Variants in TSG101 observed in about 807,000 individuals in gnomAD.
TSG101 encodes the protein tumor susceptibility gene 101 protein.
A neutral mutation model predicts 48.5 loss-of-function variants in TSG101; 19 were observed. The ratio of observed to expected loss-of-function variants is 0.39; its 90% CI spans 0.27 to 0.58. The LOEUF is 0.58. TSG101 is among the 20% of genes least tolerant of loss of function. The pLI, the probability that TSG101 is intolerant of heterozygous loss-of-function variation, is 0.55. For synonymous variants in TSG101, 174 were observed against 169.4 expected (o/e 1.03, Z -0.21); for missense variants, 365 against 484.4 (o/e 0.75, Z 2.31).
At chr11:18,490,858 C>A (rs1031524608) in intron 7 of TSG101, 26 of 535,042 alleles carry the variant, frequency 4.9e-5, no homozygotes, top group Non-Finnish European at 3.0e-5. Flanking sequence ...AGTATTCATG[C>A]CTCGTTCTGT....
intron 1 of TSG101, chr11:18,525,599 G>T: frequency 4.0e-4 from 145 of 363,826 alleles, no homozygotes; most frequent in Middle Eastern, 1.3e-3. Context: ...TACATACTAT[G>T]TAAAACAATA....
chr11:18,492,883 A>C (rs1849719796), intron 7 of TSG101, among the ~76,000 whole-genome samples: 1 of 152,234 alleles, frequency 6.6e-6, no homozygotes, highest in Non-Finnish European at 1.5e-5. Context: ...TCGATGAACC[A>C]TGCCACTTTA....
At chr11:18,481,605 C>T (rs1849541764) in intron 9 of TSG101, 25 bp downstream of exon 9, 1 of 1,601,796 alleles carries the variant, frequency 6.2e-7, no homozygotes, top group African/African-American at 1.3e-5. Flanking sequence ...GTTAAAAAAT[C>T]TTGGAACGTA....
At chr11:18,521,359 CTTTTTTTTTTTTTT>C (rs917563952) in intron 1 of TSG101, among the ~76,000 whole-genome samples, 1 of 99,794 alleles carries the variant, frequency 1.0e-5, no homozygotes, top group African/African-American at 3.5e-5. Context: ...AAACTGATTC[CTTTTTTTTTTTTTT>C]TTTTTTTTTT....
intron 1 of TSG101, 78 bp from the exon 2 acceptor site, chr11:18,519,681 C>G: frequency 9.5e-7 from 1 of 1,052,056 alleles, no homozygotes; most frequent in East Asian, 2.4e-5. Flanking sequence ...TTCTTAAAAT[C>G]TCTTCCACTA....
chr11:18,514,876 T>G, intron 3 of TSG101, 35 bp from the exon 4 acceptor site: 3 of 1,502,844 alleles, frequency 2.0e-6, no homozygotes, highest in South Asian at 2.7e-5. Context: ...TTACTCTATT[T>G]TTATTATTTT....
chr11:18,499,356 TTATA>T (rs1470684275), intron 7 of TSG101, among the ~76,000 whole-genome samples: 28 of 105,784 alleles, frequency 2.6e-4, no homozygotes, highest in African/African-American at 9.8e-4. Context: ...TTATATATGT[TTATA>T]TATAAATATG....
At chr11:18,503,347 C>T (rs1849918018) in intron 6 of TSG101, among the ~76,000 whole-genome samples, 1 of 151,860 alleles carries the variant, frequency 6.6e-6, no homozygotes, top group Non-Finnish European at 1.5e-5. Context: ...ATTTTTCCCT[C>T]AAGCTTCTCT....
At chr11:18,481,045 C>G (rs1384987497) in intron 9 of TSG101, among the ~76,000 whole-genome samples, 2 of 152,168 alleles carry the variant, frequency 1.3e-5, no homozygotes, top group African/African-American at 2.4e-5. Context: ...CAGGCTCCAG[C>G]TACAGCTGGA....
chr11:18,518,713 G>A (rs1005002559), intron 2 of TSG101, among the ~76,000 whole-genome samples: 1 of 151,474 alleles, frequency 6.6e-6, no homozygotes. Flanking sequence ...ACACTATGGG[G>A]GCAGGGAGGT....
chr11:18,481,339 C>G (rs1185268322), intron 9 of TSG101: 8 of 985,300 alleles, frequency 8.1e-6, no homozygotes, highest in Admixed American at 1.2e-4. Context: ...CAATGGAAAT[C>G]TGATCGTACC....
chr11:18,525,013 C>G (rs1193068025), intron 1 of TSG101, among the ~76,000 whole-genome samples: 1 of 150,760 alleles, frequency 6.6e-6, no homozygotes, highest in Admixed American at 6.6e-5. Flanking sequence ...CAGGTTCAAG[C>G]GATTCTCCCA....
intron 7 of TSG101, among the ~76,000 whole-genome samples, chr11:18,498,299 G>C (rs754597991): frequency 5.3e-5 from 8 of 152,188 alleles, no homozygotes; most frequent in African/African-American, 1.7e-4. Context: ...TGAAGGTTTT[G>C]AGCAGAGGAG....
intron 8 of TSG101, among the ~76,000 whole-genome samples, chr11:18,482,121 T>C (rs1849550193): frequency 6.6e-6 from 1 of 152,246 alleles, no homozygotes; most frequent in Non-Finnish European, 1.5e-5. Context: ...GCTTGTCACC[T>C]GTCAGCGACA....
At chr11:18,505,738 TAAGTA>T (rs1010128629) in intron 6 of TSG101, among the ~76,000 whole-genome samples, 2 of 152,210 alleles carry the variant, frequency 1.3e-5, no homozygotes, top group African/African-American at 4.8e-5. Context: ...ATGAACTGAA[TAAGTA>T]AATATCATGC....
chr11:18,515,085 T>G lies in TSG101; in HGVS notation c.194-244A>C, dbSNP rs189916119. ...AATGCTGATACTCAATTAACTGTTT[T>G]TTCCCTCTGTTTATTATGAATGGTT... On this transcript the variant is annotated intron_variant, in intron 3 of 9. Coordinates refer to ENST00000251968, the MANE Select transcript of TSG101 (RefSeq NM_006292.4). 3.6e-3 allele frequency among the ~76,000 whole-genome samples: 549 copies of G among 152,340 alleles called. 5 individuals are homozygous for G. Among genetic ancestry groups the G allele is most frequent in the Non-Finnish European group, 5.3e-3 (363 of 68,024 alleles).
At chr11:18,523,436 T>G (rs761051037) in intron 1 of TSG101, among the ~76,000 whole-genome samples, 2 of 152,228 alleles carry the variant, frequency 1.3e-5, no homozygotes, top group African/African-American at 2.4e-5. Context: ...TTTGTCTGAT[T>G]GTTCACTGTT....
Position 18,480,688 on chromosome 11 carries a change from G to C in TSG101, c.1084-53C>G. Reference sequence around the variant, plus strand: ...TTAGAATGGCTTTGATTTAGGCCCAGGCATAAAATAGACAATTTGTAACCT... The same window carrying C: ...TTAGAATGGCTTTGATTTAGGCCCACGCATAAAATAGACAATTTGTAACCT... On this transcript the variant is annotated intron_variant, in intron 9 of 9. Coordinates refer to ENST00000251968, the MANE Select transcript of TSG101 (RefSeq NM_006292.4). The C allele has an allele frequency of 4.6e-6, 7 of 1,530,528 alleles. No individual in the cohort carries two copies. The South Asian group carries it at 8.1e-5, about 18-fold the overall frequency. 94.8% of individuals were successfully genotyped at this position (1,530,528 alleles called of 1,614,324 possible).
intron 9 of TSG101, chr11:18,481,344 C>T (rs928199327): frequency 1.4e-5 from 16 of 1,125,164 alleles, no homozygotes; most frequent in African/African-American, 1.1e-4. Flanking sequence ...GAAATCTGAT[C>T]GTACCTCCTG....
Sources: allele counts gnomAD v4.1 joint callset (sites outside exome capture counted in the v4.1 genomes callset), GRCh38; gene constraint gnomAD v4.1.1; transcripts MANE v1.5; gene names NCBI Gene and HGNC (gene_info 2026-07-23, HGNC 2026-07-21).